RUFY3: variants seen among roughly 807,000 people sequenced by gnomAD.
RUFY3 encodes protein RUFY3.
In RUFY3, 34 loss-of-function variants were observed where a neutral mutation model predicts 84.0. The ratio of observed to expected loss-of-function variants is 0.40; its 90% CI spans 0.31 to 0.54. The LOEUF is 0.54. RUFY3 is among the 20% of genes least tolerant of loss of function. RUFY3 has a pLI of 0.39. For missense variants in RUFY3, 507 were observed against 736.8 expected (o/e 0.69, Z 3.61); for synonymous variants, 242 against 252.9 (o/e 0.96, Z 0.41).
chr4:70,703,934 C>G (rs1739965359), upstream of RUFY3: 1 of 152,188 alleles, frequency 6.6e-6, no homozygotes, highest in Admixed American at 6.5e-5. Context: ...GGCTAATCAG[C>G]TAGGAATCCA....
intron 1 of RUFY3, among the ~76,000 whole-genome samples, chr4:70,752,962 T>A (rs1723373559): frequency 6.6e-6 from 1 of 152,216 alleles, no homozygotes. Context: ...TGGAATAGTC[T>A]GTCAAGGATT....
chr4:70,747,785 T>C (rs1222181178), intron 1 of RUFY3, among the ~76,000 whole-genome samples: 1 of 152,062 alleles, frequency 6.6e-6, no homozygotes, highest in Non-Finnish European at 1.5e-5. Flanking sequence ...GAGGCTGAGG[T>C]GGGAGGATTG....
At chr4:70,743,253 G>A (rs1721608897) in intron 1 of RUFY3, among the ~76,000 whole-genome samples, 1 of 151,870 alleles carries the variant, frequency 6.6e-6, no homozygotes. Flanking sequence ...TGTGTTTTTA[G>A]TAGAGACGGG....
intron 7 of RUFY3, among the ~76,000 whole-genome samples, chr4:70,777,086 A>G (rs751272195): frequency 4.6e-5 from 7 of 152,240 alleles, no homozygotes; most frequent in Non-Finnish European, 7.3e-5. Context: ...ACGTTTATAC[A>G]TGAGTCTATC....
intron 1 of RUFY3, among the ~76,000 whole-genome samples, chr4:70,748,605 G>C (rs73824879): frequency 0.027 from 4,163 of 152,126 alleles, 81 homozygotes; most frequent in Middle Eastern, 0.054. Flanking sequence ...AAGACTCCTA[G>C]GTCAGAGATA....
chr4:70,739,971 A>G (rs1057194554), intron 1 of RUFY3, among the ~76,000 whole-genome samples: 12 of 150,118 alleles, frequency 8.0e-5, no homozygotes, highest in African/African-American at 3.0e-4. Flanking sequence ...AGCCTGGGTG[A>G]CAGAGAAAAA....
intron 1 of RUFY3, among the ~76,000 whole-genome samples, chr4:70,735,926 T>C (rs1396420557): frequency 6.6e-6 from 1 of 151,726 alleles, no homozygotes. Flanking sequence ...AGGTGGAGGT[T>C]GCAGTGAGAT....
At chr4:70,705,149 C>G (rs1740120075) in exon 1 of RUFY3, 6 of 1,456,614 alleles carry the variant, frequency 4.1e-6, no homozygotes, top group Non-Finnish European at 5.4e-6. Context: ...TGTACCCCGG[C>G]GATGGAGGCG....
rs1010598618 is a variant in RUFY3 at position 70,794,859 on chromosome 4, C to G, written c.1522C>G (p.Pro508Ala). 1 of 1,612,070 alleles carries G rather than the reference C, an allele frequency of 6.2e-7. No individual in the cohort carries two copies. Among genetic ancestry groups the G allele is most frequent in the Admixed American group, 1.7e-5 (1 of 59,806 alleles). The change falls in exon 14 of 18, where the codon CCA becomes GCA. Residue 508 changes from proline to alanine, a missense_variant. Pro to Ala is a conservative substitution (Grantham distance 27, BLOSUM62 -1). Transcript: ENST00000381006. ...ERRLQNDRSIPGRGSQKSESK... is the reference protein window; with the variant it reads ...ERRLQNDRSIAGRGSQKSESK... ...AAGATTACAAAACGACAGGAGCATC[C>G]CAGGAAGGGGTTCCCAGAAGTCAGA... is the stretch of plus-strand genomic sequence containing the variant.
At chr4:70,774,661 ATATATATAT>A (rs1232864026) in intron 6 of RUFY3, among the ~76,000 whole-genome samples, 9 of 134,318 alleles carry the variant, frequency 6.7e-5, no homozygotes, top group African/African-American at 2.5e-4. Flanking sequence ...ATATATATAT[ATATATATAT>A]AAAATAAACA....
At position 70,750,740 on chromosome 4, in the gene RUFY3, GTC is replaced by G. The variant is rs534021202; in HGVS notation, c.179-11775_179-11774del. Among the ~76,000 whole-genome samples, 6 of 151,442 alleles carry G rather than the reference GTC, an allele frequency of 4.0e-5. No individual in the cohort carries two copies. The East Asian group carries it at 1.2e-3, about 30-fold the overall frequency. On this transcript the variant is annotated intron_variant, in intron 1 of 17. Coordinates refer to ENST00000381006, the MANE Select transcript of RUFY3 (RefSeq NM_001037442.4). ...GCTGGCAACCACTAGTCTATTTTCTGTCTCTGCAGTTTTTTTTTGAGGGGCTT... is the reference window on the plus strand; with the variant it reads ...GCTGGCAACCACTAGTCTATTTTCTGTCTGCAGTTTTTTTTTGAGGGGCTT...
At chr4:70,748,816 T>G (rs1050703046) in intron 1 of RUFY3, among the ~76,000 whole-genome samples, 1 of 152,152 alleles carries the variant, frequency 6.6e-6, no homozygotes, top group African/African-American at 2.4e-5. Flanking sequence ...AAGCTTCGTC[T>G]CTCATTATCA....
At chr4:70,802,361 C>T (rs557712940) in intron 15 of RUFY3, among the ~76,000 whole-genome samples, 31 of 152,320 alleles carry the variant, frequency 2.0e-4, no homozygotes, top group African/African-American at 7.5e-4. Flanking sequence ...TTCCCTGTAA[C>T]CGAGAGCGGG....
chr4:70,723,987 A>G (rs954009730), intron 1 of RUFY3, among the ~76,000 whole-genome samples: 9 of 152,200 alleles, frequency 5.9e-5, no homozygotes, highest in African/African-American at 2.2e-4. Flanking sequence ...TTTAAGAACA[A>G]TGTTTAAGTG....
chr4:70,722,600 T>C lies in RUFY3; in HGVS notation c.27T>C (p.Asp9=). 1 of 1,613,724 alleles carries C rather than the reference T, an allele frequency of 6.2e-7. No homozygotes were observed. Among genetic ancestry groups the C allele is most frequent in the Non-Finnish European group, 8.5e-7 (1 of 1,179,950 alleles). ...TGTCTGCTCTGACGCCTCCGACCGA[T>C]ATGCCAACCCCCACCACTGACAAGA... The part of the protein sequence containing the change: MSALTPPT[D]MPTPTTDKIT... Residue 9 remains aspartate, a synonymous_variant, in exon 1 of 18, where the codon GAT becomes GAC. Transcript: ENST00000381006.
chr4:70,779,421 GAA>G (rs1728523087), intron 8 of RUFY3, among the ~76,000 whole-genome samples: 1 of 151,986 alleles, frequency 6.6e-6, no homozygotes, highest in Non-Finnish European at 1.5e-5. Context: ...AATAAGAACA[GAA>G]AAATAACCTC....
In RUFY3 at chr4:70,722,441, C is replaced by T. The variant is rs1742427114; in HGVS notation, c.-133C>T. The T allele has an allele frequency of 1.5e-6, 2 of 1,376,122 alleles. No individual in the cohort carries two copies. The highest frequency in any genetic ancestry group is 1.9e-6 in the Non-Finnish European group (2 of 1,061,706). 85.2% of individuals were successfully genotyped at this position (1,376,122 alleles called of 1,614,324 possible). A position where few individuals can be genotyped will look rare whatever the true frequency, so the allele number is the denominator to read the frequency against. On this transcript the variant is annotated 5_prime_UTR_variant, in exon 1 of 18. Coordinates refer to ENST00000381006, the MANE Select transcript of RUFY3 (RefSeq NM_001037442.4). ...TTTTTTTTTTTTTAAACCTCCCCCA[C>T]CCTTTTCCTGAAAGCTTTGTTTCAG...
Position 70,787,588 on chromosome 4 carries a change from C to T in RUFY3, c.1072-1218C>T, listed in dbSNP as rs572248571. Among the ~76,000 whole-genome samples, 11 of 151,902 alleles carry T rather than the reference C, an allele frequency of 7.2e-5. No individual in the cohort carries two copies. In the East Asian group the frequency reaches 1.6e-3, roughly 21 times the overall value. On this transcript the variant is annotated intron_variant, in intron 10 of 17. Coordinates refer to ENST00000381006, the MANE Select transcript of RUFY3 (RefSeq NM_001037442.4). ...AATTTCAGATTTTTTGAAAACAAAG[C>T]GATATTATTTTGACATCCTTAAAAT... is the stretch of plus-strand genomic sequence containing the variant.
At chr4:70,804,802 G>T (rs373127832) in intron 17 of RUFY3, among the ~76,000 whole-genome samples, 1 of 150,856 alleles carries the variant, frequency 6.6e-6, no homozygotes, top group Non-Finnish European at 1.5e-5. Context: ...GTGGTGGCCT[G>T]TAATCCCAGC....
Sources: gnomAD v4.1 joint callset for allele counts (sites outside exome capture counted in the v4.1 genomes callset) on GRCh38, gnomAD v4.1.1 for gene constraint, MANE v1.5 for transcripts, NCBI Gene and HGNC (gene_info 2026-07-23, HGNC 2026-07-21) for gene names.